CFAP299: variants seen among roughly 807,000 people sequenced by gnomAD.
CFAP299 encodes cilia- and flagella-associated protein 299.
In CFAP299, 21 loss-of-function variants were observed where a neutral mutation model predicts 27.0. That is an observed-to-expected ratio of 0.78 (90% confidence interval 0.55 to 1.12). CFAP299 has a LOEUF of 1.12. Ranked by LOEUF, CFAP299 falls within the 50% of genes most tolerant of loss-of-function variation. The probability of loss-of-function intolerance (pLI) is 0.00; values close to 1 mark genes in which losing one functional copy is unlikely to be tolerated. For missense variants in CFAP299, 310 were observed against 276.6 expected (o/e 1.12, Z -0.86); for synonymous variants, 104 against 98.1 (o/e 1.06, Z -0.36).
intron 1 of CFAP299, among the ~76,000 whole-genome samples, chr4:80,361,116 A>G (rs775420372): frequency 6.6e-6 from 1 of 152,222 alleles, no homozygotes; most frequent in African/African-American, 2.4e-5. Context: ...TTAGGGTATG[A>G]TAATGGTAAG....
chr4:80,467,248 A>G (rs1371622864), intron 2 of CFAP299, among the ~76,000 whole-genome samples: 1 of 152,200 alleles, frequency 6.6e-6, no homozygotes, highest in African/African-American at 2.4e-5. Context: ...AATGCTATCA[A>G]TCGTGACTTT....
At chr4:80,398,812 A>AT (rs1484777788) in intron 2 of CFAP299, among the ~76,000 whole-genome samples, 2 of 152,232 alleles carry the variant, frequency 1.3e-5, no homozygotes, top group Non-Finnish European at 2.9e-5. Context: ...ACCGAAAGCA[A>AT]TGACAACAAA....
At chr4:80,602,830 C>T (rs1469543165) in intron 3 of CFAP299, among the ~76,000 whole-genome samples, 1 of 152,114 alleles carries the variant, frequency 6.6e-6, no homozygotes, top group African/African-American at 2.4e-5. Flanking sequence ...ATACATGAGG[C>T]ATTACTGACT....
intron 3 of CFAP299, among the ~76,000 whole-genome samples, chr4:80,706,266 C>A (rs909638770): frequency 6.6e-6 from 1 of 151,336 alleles, no homozygotes; most frequent in African/African-American, 2.4e-5. Context: ...TGCAAACATA[C>A]CCTAAACATC....
chr4:80,466,438 C>T (rs1343275434), intron 2 of CFAP299, among the ~76,000 whole-genome samples: 2 of 152,028 alleles, frequency 1.3e-5, no homozygotes, highest in African/African-American at 4.8e-5. Context: ...TGAAGGTTTC[C>T]CTCAAAACTT....
At chr4:80,925,995 C>G (rs184128674) in intron 4 of CFAP299, among the ~76,000 whole-genome samples, 5 of 152,090 alleles carry the variant, frequency 3.3e-5, no homozygotes, top group Admixed American at 3.3e-4. Context: ...TGTTCCAGAA[C>G]TTGGAATATA....
rs150159865 is a variant in CFAP299, at chr4:80,512,449, C to T, written c.243-70644C>T. ...TGCTTATGAAGCACATATGGAAAAC[C>T]ACTCTAAATGGTAGCCTAAGGACTT... On this transcript the variant is annotated intron_variant, in intron 2 of 5. Transcript: ENST00000358105. Among the ~76,000 whole-genome samples the T allele has an allele frequency of 2.6e-3, 401 of 152,142 alleles. 1 individual carries two copies. Among genetic ancestry groups the T allele is most frequent in the African/African-American group, 9.2e-3 (382 of 41,528 alleles).
intron 3 of CFAP299, among the ~76,000 whole-genome samples, chr4:80,782,613 AATATATAATATATT>A (rs1726959703): frequency 7.6e-5 from 8 of 104,598 alleles, no homozygotes; most frequent in Non-Finnish European, 6.5e-5. Flanking sequence ...TACATATATT[AATATATAATATATT>A]CATATATAAT....
chr4:80,943,694 ATATGACAG>A (rs2110229917), intron 4 of CFAP299, among the ~76,000 whole-genome samples: 1 of 152,314 alleles, frequency 6.6e-6, no homozygotes, highest in South Asian at 2.1e-4. Context: ...CTTTCAATTC[ATATGACAG>A]TATTGCATTC....
chr4:80,583,326 A>G (rs1736268475), intron 3 of CFAP299, 143 bp downstream of exon 3: 1 of 414,002 alleles, frequency 2.4e-6, no homozygotes, highest in Admixed American at 4.3e-5. Context: ...TATTATAGGA[A>G]TATACATAGA....
intron 2 of CFAP299, among the ~76,000 whole-genome samples, chr4:80,496,422 A>G (rs1221413344): frequency 2.0e-5 from 3 of 152,208 alleles, no homozygotes; most frequent in African/African-American, 7.2e-5. Flanking sequence ...TTGCTAAGGC[A>G]TAACACATGT....
chr4:80,963,012 T>C (rs1010486703), intron 5 of CFAP299, among the ~76,000 whole-genome samples: 3 of 151,982 alleles, frequency 2.0e-5, no homozygotes, highest in African/African-American at 7.2e-5. Context: ...AAGGTTATAA[T>C]TTGAAGGAAG....
intron 2 of CFAP299, among the ~76,000 whole-genome samples, chr4:80,421,410 T>G (rs11727411): frequency 0.19 from 29,201 of 152,182 alleles, 2,974 homozygotes; most frequent in South Asian, 0.29. Context: ...AAATACACAC[T>G]GATTTCTACA....
intron 1 of CFAP299, among the ~76,000 whole-genome samples, chr4:80,349,077 T>C (rs1170034206): frequency 1.3e-5 from 2 of 152,186 alleles, no homozygotes; most frequent in Non-Finnish European, 2.9e-5. Context: ...ATGAAACGTC[T>C]GTCAGGTGCT....
At chr4:80,681,265 T>A (rs911306712) in intron 3 of CFAP299, among the ~76,000 whole-genome samples, 10 of 152,136 alleles carry the variant, frequency 6.6e-5, no homozygotes, top group African/African-American at 1.9e-4. Flanking sequence ...AGAGGAAATC[T>A]CATTGTGAAT....
chr4:80,751,738 C>T (rs6829601), intron 3 of CFAP299, among the ~76,000 whole-genome samples: 20 of 152,204 alleles, frequency 1.3e-4, no homozygotes, highest in Non-Finnish European at 2.9e-4. Flanking sequence ...CCCCCTCCCC[C>T]ACCCACTGCC....
chr4:80,805,915 A>G (rs1211868410), intron 3 of CFAP299, among the ~76,000 whole-genome samples: 1 of 152,006 alleles, frequency 6.6e-6, no homozygotes, highest in Non-Finnish European at 1.5e-5. Flanking sequence ...TAAAAAAGAC[A>G]CTGTCTTAAA....
At chr4:80,453,644 C>G (rs995990087) in intron 2 of CFAP299, among the ~76,000 whole-genome samples, 3 of 151,770 alleles carry the variant, frequency 2.0e-5, no homozygotes, top group East Asian at 3.9e-4. Context: ...AGTTCGAGAC[C>G]AGCCTGGCCA....
chr4:80,684,779 G>T (rs1365001856), intron 3 of CFAP299, among the ~76,000 whole-genome samples: 1 of 151,762 alleles, frequency 6.6e-6, no homozygotes, highest in East Asian at 1.9e-4. Context: ...TACAGTCACT[G>T]TCATGCTTTT....
Sources: gnomAD v4.1 joint callset for allele counts (sites outside exome capture counted in the v4.1 genomes callset) on GRCh38, gnomAD v4.1.1 for gene constraint, MANE v1.5 for transcripts, NCBI Gene and HGNC (gene_info 2026-07-23, HGNC 2026-07-21) for gene names.